Variants in ATP10D observed in about 807,000 individuals in gnomAD.
ATP10D encodes ATPase phospholipid transporting 10D (putative), also known as phospholipid-transporting ATPase VD.
ATP10D carries 89 observed loss-of-function variants against 144.8 expected under a neutral mutation model. That is an observed-to-expected ratio of 0.61 (90% CI 0.52 to 0.73). The LOEUF (loss-of-function observed/expected upper bound fraction) is 0.73. ATP10D is among the 30% of genes least tolerant of loss of function. The pLI, the probability that ATP10D is intolerant of heterozygous loss-of-function variation, is 0.00. For missense variants in ATP10D, 1,603 were observed against 1,714.8 expected, an observed-to-expected ratio of 0.93 and a Z score of 1.15; for synonymous variants, 571 against 615.1, an observed-to-expected ratio of 0.93 and a Z score of 1.06.
Position 47,542,961 on chromosome 4 carries a change from A to AT in ATP10D, c.1397-3663_1397-3662insT, listed in dbSNP as rs771421502. On this transcript the variant is annotated intron_variant, in intron 9 of 22. Coordinates refer to ENST00000273859, the MANE Select transcript of ATP10D (RefSeq NM_020453.4). The stretch of plus-strand genomic sequence containing the variant: ...ATTTCCCTAATGATGGCTAGGAGTT[A>AT]CACGATCATTAAATATAGCCTCCAT... Among the ~76,000 whole-genome samples the AT allele has an allele frequency of 6.9e-3, 1,045 of 152,346 alleles. 8 individuals carry two copies. Among genetic ancestry groups the AT allele is most frequent in the Non-Finnish European group, 9.2e-3 (629 of 68,022 alleles).
At chr4:47,508,324 C>T (rs554848791) in intron 1 of ATP10D, among the ~76,000 whole-genome samples, 34 of 152,328 alleles carry the variant, frequency 2.2e-4, no homozygotes, top group African/African-American at 8.2e-4. Context: ...TGAGCATTTA[C>T]TTGGACAACT....
chr4:47,493,913 G>T (rs1184375018), intron 1 of ATP10D, among the ~76,000 whole-genome samples: 1 of 152,140 alleles, frequency 6.6e-6, no homozygotes, highest in Non-Finnish European at 1.5e-5. Flanking sequence ...AGGTGAGCAG[G>T]CCAGTATATT....
chr4:47,588,395 T>A (rs1047173680), intron 22 of ATP10D, among the ~76,000 whole-genome samples: 1 of 152,202 alleles, frequency 6.6e-6, no homozygotes, highest in Non-Finnish European at 1.5e-5. Context: ...CAACAAACTG[T>A]GGCAAACAGG....
chr4:47,488,463 C>G (rs959116908), intron 1 of ATP10D, among the ~76,000 whole-genome samples: 2 of 151,806 alleles, frequency 1.3e-5, no homozygotes, highest in Non-Finnish European at 2.9e-5. Context: ...TTTCCCCCAC[C>G]CCCTAGAAAA....
At chr4:47,521,511 C>T (rs987589444) in intron 3 of ATP10D, among the ~76,000 whole-genome samples, 11 of 152,076 alleles carry the variant, frequency 7.2e-5, no homozygotes, top group African/African-American at 2.2e-4. Context: ...AATAACTTAC[C>T]GTTGGTCTTT....
intron 9 of ATP10D, among the ~76,000 whole-genome samples, chr4:47,544,864 C>CTTATTTATA (rs1246539361): frequency 1.3e-5 from 2 of 152,158 alleles, no homozygotes; most frequent in Non-Finnish European, 2.9e-5. Flanking sequence ...ACCTATTTAT[C>CTTATTTATA]GATGGTCTAT....
chr4:47,527,065 G>A (rs184945266), intron 5 of ATP10D, among the ~76,000 whole-genome samples: 1 of 152,106 alleles, frequency 6.6e-6, no homozygotes, highest in African/African-American at 2.4e-5. Context: ...TATCAGAAAG[G>A]TATAATAATC....
At chr4:47,556,549 A>G (rs547530773) in intron 11 of ATP10D, among the ~76,000 whole-genome samples, 10 of 152,334 alleles carry the variant, frequency 6.6e-5, no homozygotes, top group Admixed American at 3.3e-4. Flanking sequence ...TCTGAAGCAT[A>G]TAAGAGTCTA....
chr4:47,561,068 A>G lies in ATP10D; in HGVS notation c.2661A>G (p.Thr887=), dbSNP rs770663149. 1.9e-6 allele frequency: 3 copies of G among 1,614,162 alleles called. No individual in the cohort carries two copies. The highest frequency in any genetic ancestry group is 2.2e-5 in the East Asian group (1 of 44,884). Reference sequence around the variant, plus strand: ...CCATGAGGTTGGAGAACAAACTTACATTACTTGGTAGGTGAATTATGTTTG... The same window carrying G: ...CCATGAGGTTGGAGAACAAACTTACGTTACTTGGTAGGTGAATTATGTTTG... ...ESAMRLENKL[T]LLGATGIEDR... Residue 887 remains threonine (T), a synonymous_variant, in exon 14 of 23, where the codon ACA becomes ACG. Transcript: ENST00000273859.
Position 47,558,059 on chromosome 4 carries a change from C to T in ATP10D, c.2220C>T (p.Tyr740=), listed in dbSNP as rs1719084939. The change falls in exon 12 of 23, where the codon TAC becomes TAT. Residue 740 remains tyrosine, a synonymous_variant. Coordinates refer to ENST00000273859, the MANE Select transcript of ATP10D (RefSeq NM_020453.4). ...EAALVYAARA[Y]QCTLRSRTPE... ...CCTTAGTGTATGCCGCCAGGGCTTA[C>T]CAATGCACTTTACGGTCTCGGACAC... is the stretch of plus-strand genomic sequence containing the variant. 6 of 1,614,230 alleles carry T rather than the reference C, an allele frequency of 3.7e-6. No homozygotes were observed. Among genetic ancestry groups the T allele is most frequent in the Non-Finnish European group, 5.1e-6 (6 of 1,180,044 alleles).
intron 13 of ATP10D, among the ~76,000 whole-genome samples, chr4:47,559,370 C>T (rs1719170031): frequency 6.6e-6 from 1 of 152,150 alleles, no homozygotes; most frequent in African/African-American, 2.4e-5. Context: ...CTCTGTCTTA[C>T]AGCATTAAAT....
Position 47,531,086 on chromosome 4 carries a change from A to ATT in ATP10D, c.777-4415_777-4414dup, listed in dbSNP as rs60353838. Among the ~76,000 whole-genome samples the ATT allele has an allele frequency of 1.4e-4, 21 of 150,860 alleles. No individual in the cohort carries two copies. In the South Asian group the frequency reaches 2.3e-3, roughly 17 times the overall value. ...AGTTTCCGTAAGATGGGTATCAGCT[A>ATT]TTTTTTTTTGCACTGATGAGAAAAT... is the stretch of plus-strand genomic sequence containing the variant. On this transcript the variant is annotated intron_variant, in intron 5 of 22. Coordinates refer to ENST00000273859, the MANE Select transcript of ATP10D (RefSeq NM_020453.4).
chr4:47,590,990 C>A, intron 22 of ATP10D, 52 bp from the exon 23 acceptor site: 3 of 1,165,916 alleles, frequency 2.6e-6, no homozygotes, highest in Non-Finnish European at 3.5e-6. Flanking sequence ...GGGGGGGGTT[C>A]TGTAATGCAT....
At chr4:47,507,313 G>T (rs1442810521) in intron 1 of ATP10D, among the ~76,000 whole-genome samples, 2 of 152,188 alleles carry the variant, frequency 1.3e-5, no homozygotes, top group Non-Finnish European at 2.9e-5. Context: ...AACCCTTTGA[G>T]CAAGTAAAGC....
intron 22 of ATP10D, among the ~76,000 whole-genome samples, chr4:47,590,027 G>A (rs1720957119): frequency 6.6e-6 from 1 of 152,070 alleles, no homozygotes; most frequent in Non-Finnish European, 1.5e-5. Flanking sequence ...ACAGAAAGTT[G>A]CTAGAAATAT....
chr4:47,552,940 C>T (rs968295856), intron 10 of ATP10D, among the ~76,000 whole-genome samples: 1 of 152,168 alleles, frequency 6.6e-6, no homozygotes, highest in African/African-American at 2.4e-5. Flanking sequence ...AATTAAAAAA[C>T]TTGTTTAAAC....
At chr4:47,526,440 A>C (rs1717250019) in intron 5 of ATP10D, among the ~76,000 whole-genome samples, 1 of 152,228 alleles carries the variant, frequency 6.6e-6, no homozygotes, top group African/African-American at 2.4e-5. Context: ...ACCCATGAAA[A>C]ACCTAGAGCC....
chr4:47,588,898 C>T (rs556936244), intron 22 of ATP10D, among the ~76,000 whole-genome samples: 1 of 152,228 alleles, frequency 6.6e-6, no homozygotes, highest in East Asian at 1.9e-4. Flanking sequence ...AAATGACTCC[C>T]TAAAAGATTT....
intron 5 of ATP10D, among the ~76,000 whole-genome samples, chr4:47,528,300 A>G (rs943004066): frequency 6.6e-6 from 1 of 151,706 alleles, no homozygotes; most frequent in African/African-American, 2.4e-5. Flanking sequence ...CCATGTGTCC[A>G]TGTATACCCA....
Sources: gnomAD v4.1 joint callset for allele counts (sites outside exome capture counted in the v4.1 genomes callset) on GRCh38, gnomAD v4.1.1 for gene constraint, MANE v1.5 for transcripts, NCBI Gene and HGNC (gene_info 2026-07-23, HGNC 2026-07-21) for gene names.